Variants in PTPRK observed in about 807,000 individuals in gnomAD.
The protein encoded by PTPRK is receptor-type tyrosine-protein phosphatase kappa.
PTPRK carries 75 observed loss-of-function variants against 178.0 expected under a neutral mutation model. The observed-to-expected ratio is 0.42, with a 90% CI of 0.35 to 0.51. PTPRK has a LOEUF of 0.51. Among genes scored for constraint, PTPRK ranks in the 20% least tolerant of loss-of-function variants. The probability of loss-of-function intolerance (pLI) is 0.02; values close to 1 mark genes in which losing one functional copy is unlikely to be tolerated. For synonymous variants in PTPRK, 637 were observed against 620.6 expected (o/e 1.03, Z -0.39); for missense variants, 1,441 against 1,797.8 (o/e 0.80, Z 3.59).
rs1347661879 is a variant in PTPRK, at chr6:128,519,968, CCCACTAGCCCGGCGCAGG to C, written c.100+273_100+290del. Reference sequence around the variant, plus strand: ...GTAACTACTTTTTCTTTCTCTCTTCCCCACTAGCCCGGCGCAGGCCACGCGAGACGCCGAAGCCAGCAG... The same window carrying C: ...GTAACTACTTTTTCTTTCTCTCTTCCCCACGCGAGACGCCGAAGCCAGCAG... On this transcript the variant is annotated intron_variant, in intron 1 of 29. Transcript: ENST00000368226. This position sits in a 1 kb window ranked among gnomAD's most constrained non-coding sequence, Gnocchi z 4.3. Among the ~76,000 whole-genome samples, 2 of 152,330 alleles carry C rather than the reference CCCACTAGCCCGGCGCAGG, an allele frequency of 1.3e-5. No homozygotes were observed. The highest frequency in any genetic ancestry group is 4.8e-5 in the African/African-American group (2 of 41,594).
At chr6:128,465,130 CA>C (rs1464518913) in intron 1 of PTPRK, among the ~76,000 whole-genome samples, 1 of 150,880 alleles carries the variant, frequency 6.6e-6, no homozygotes, top group Non-Finnish European at 1.5e-5. Context: ...AGAGTAAAGA[CA>C]AGGCTGAAAT....
chr6:128,422,809 A>G (rs1008498164), intron 1 of PTPRK, among the ~76,000 whole-genome samples: 1 of 152,156 alleles, frequency 6.6e-6, no homozygotes, highest in Non-Finnish European at 1.5e-5. Flanking sequence ...GCTAACGCTA[A>G]AATTTTCAAA....
At chr6:128,274,545 A>G (rs1202072126) in intron 3 of PTPRK, among the ~76,000 whole-genome samples, 1 of 152,126 alleles carries the variant, frequency 6.6e-6, no homozygotes, top group Admixed American at 6.6e-5. Context: ...TAAATTTAAA[A>G]TTATATCACA....
At chr6:128,276,963 A>C (rs1261406669) in intron 3 of PTPRK, among the ~76,000 whole-genome samples, 1 of 152,114 alleles carries the variant, frequency 6.6e-6, no homozygotes, top group African/African-American at 2.4e-5. Flanking sequence ...AAAAGACTTG[A>C]CCATGTCCCA....
chr6:128,420,579 C>T (rs1843367548), intron 1 of PTPRK, among the ~76,000 whole-genome samples: 2 of 152,158 alleles, frequency 1.3e-5, no homozygotes. Context: ...CAAATAATGA[C>T]AACCCAAGCA....
chr6:128,079,120 C>T (rs562549522), intron 10 of PTPRK, among the ~76,000 whole-genome samples: 1 of 152,124 alleles, frequency 6.6e-6, no homozygotes, highest in African/African-American at 2.4e-5. Flanking sequence ...CCAAGATTTG[C>T]TGTGGAAATT....
chr6:128,056,351 C>T (rs1040645509), intron 13 of PTPRK, among the ~76,000 whole-genome samples: 1 of 152,028 alleles, frequency 6.6e-6, no homozygotes, highest in Admixed American at 6.6e-5. Context: ...AAAGACCTCA[C>T]GTCATCATGT....
intron 1 of PTPRK, among the ~76,000 whole-genome samples, chr6:128,487,982 T>C (rs1290840849): frequency 6.6e-6 from 1 of 152,134 alleles, no homozygotes; most frequent in Non-Finnish European, 1.5e-5. Context: ...GGGAATTTAC[T>C]AAGGAGTACT....
intron 6 of PTPRK, among the ~76,000 whole-genome samples, chr6:128,214,544 C>CATTATTATTATTATT (rs369013218): frequency 0.025 from 3,741 of 150,006 alleles, 75 homozygotes; most frequent in East Asian, 0.067. Context: ...ACCAGTGATG[C>CATTATTATTATTATT]ATTATTATTA....
intron 13 of PTPRK, among the ~76,000 whole-genome samples, chr6:128,051,427 C>G (rs1027441751): frequency 6.6e-6 from 1 of 152,202 alleles, no homozygotes; most frequent in East Asian, 1.9e-4. Context: ...CCCAGTCACT[C>G]TAATTGAATG....
intron 7 of PTPRK, among the ~76,000 whole-genome samples, chr6:128,100,647 T>G (rs1287087833): frequency 6.6e-6 from 1 of 151,970 alleles, no homozygotes; most frequent in Non-Finnish European, 1.5e-5. Flanking sequence ...TTCTAATTGA[T>G]TATATCTCAG....
intron 2 of PTPRK, among the ~76,000 whole-genome samples, chr6:128,339,090 A>G (rs997555116): frequency 2.0e-5 from 3 of 152,192 alleles, no homozygotes; most frequent in African/African-American, 7.2e-5. Context: ...TATCAAAATA[A>G]TGCTGCTCTG....
chr6:128,197,902 A>G (rs1465778756), intron 6 of PTPRK, among the ~76,000 whole-genome samples: 1 of 152,162 alleles, frequency 6.6e-6, no homozygotes, highest in Non-Finnish European at 1.5e-5. Context: ...CAACAAGTAT[A>G]GTGCAGAGAA....
At chr6:128,450,121 A>C (rs909633076) in intron 1 of PTPRK, among the ~76,000 whole-genome samples, 2 of 145,530 alleles carry the variant, frequency 1.4e-5, no homozygotes, top group African/African-American at 5.0e-5. Flanking sequence ...CATCTCAACA[A>C]AAAAAAAAAA....
intron 13 of PTPRK, among the ~76,000 whole-genome samples, chr6:128,035,433 C>G (rs907027230): frequency 1.3e-5 from 2 of 152,084 alleles, no homozygotes; most frequent in African/African-American, 4.8e-5. Context: ...GAATCCTTCG[C>G]TGCTTACTGC....
At chr6:128,428,049 C>T (rs1387857827) in intron 1 of PTPRK, among the ~76,000 whole-genome samples, 2 of 151,982 alleles carry the variant, frequency 1.3e-5, no homozygotes, top group African/African-American at 2.4e-5. Context: ...GCCGAGATCA[C>T]GCCACTGCAC....
chr6:128,125,375 C>T (rs979863530), intron 7 of PTPRK, among the ~76,000 whole-genome samples: 1 of 152,026 alleles, frequency 6.6e-6, no homozygotes, highest in African/African-American at 2.4e-5. Flanking sequence ...AGCATCTTCC[C>T]CCATCCTGCT....
chr6:128,180,295 A>G (rs1375453654), intron 7 of PTPRK, among the ~76,000 whole-genome samples: 1 of 152,002 alleles, frequency 6.6e-6, no homozygotes, highest in Non-Finnish European at 1.5e-5. Flanking sequence ...GAGGAAATAG[A>G]CACACAGAAA....
chr6:128,159,913 G>C (rs758333515), intron 7 of PTPRK, among the ~76,000 whole-genome samples: 2 of 151,542 alleles, frequency 1.3e-5, no homozygotes, highest in Non-Finnish European at 3.0e-5. Context: ...TTTAGCAAAA[G>C]GTCTAAAAAC....
Sources: allele counts gnomAD v4.1 joint callset (sites outside exome capture counted in the v4.1 genomes callset), GRCh38; gene constraint gnomAD v4.1.1; non-coding constraint Gnocchi (gnomAD v3.1); transcripts MANE v1.5; gene names NCBI Gene and HGNC (gene_info 2026-07-23, HGNC 2026-07-21).